CDH8: variants seen among roughly 807,000 people sequenced by gnomAD.
The protein encoded by CDH8 is cadherin 8.
In CDH8, 17 loss-of-function variants were observed where a neutral mutation model predicts 68.1. The observed-to-expected ratio is 0.25, with a 90% confidence interval of 0.17 to 0.37. The LOEUF (loss-of-function observed/expected upper bound fraction) is 0.37, where lower values mean the gene tolerates loss of function less well. Among genes scored for constraint, CDH8 ranks in the 10% least tolerant of loss-of-function variants. The probability of loss-of-function intolerance (pLI) is 1.00; values close to 1 mark genes in which losing one functional copy is unlikely to be tolerated. For missense variants in CDH8, 763 were observed against 999.3 expected (o/e 0.76, Z 3.19); for synonymous variants, 372 against 365.1 (o/e 1.02, Z -0.21).
intron 7 of CDH8, among the ~76,000 whole-genome samples, chr16:61,817,014 T>C (rs931471558): frequency 1.3e-5 from 2 of 152,074 alleles, no homozygotes; most frequent in Admixed American, 1.3e-4. Context: ...AATAGGAGCC[T>C]CTTAATGCAT....
intron 8 of CDH8, among the ~76,000 whole-genome samples, chr16:61,736,004 T>C (rs943006540): frequency 6.0e-5 from 9 of 150,012 alleles, no homozygotes; most frequent in African/African-American, 2.2e-4. Context: ...ACCCGGGAGG[T>C]AGAGGTTGTA....
At chr16:61,898,440 G>A (rs960984560) in intron 3 of CDH8, among the ~76,000 whole-genome samples, 10 of 152,106 alleles carry the variant, frequency 6.6e-5, no homozygotes, top group Non-Finnish European at 1.3e-4. Flanking sequence ...ATTTGCTGCC[G>A]AATGGGTGTA....
chr16:61,830,962 A>G (rs1962441992), intron 4 of CDH8, among the ~76,000 whole-genome samples: 1 of 151,806 alleles, frequency 6.6e-6, no homozygotes, highest in Non-Finnish European at 1.5e-5. Context: ...GATTTAGACC[A>G]TTTCATAATC....
At chr16:61,800,065 C>T (rs889967177) in intron 7 of CDH8, among the ~76,000 whole-genome samples, 20 of 152,092 alleles carry the variant, frequency 1.3e-4, no homozygotes, top group Non-Finnish European at 2.1e-4. Flanking sequence ...TGCACCACCA[C>T]GCCCGGCTAT....
chr16:61,727,973 C>G (rs952177147), intron 8 of CDH8, among the ~76,000 whole-genome samples: 5 of 151,130 alleles, frequency 3.3e-5, no homozygotes, highest in African/African-American at 1.2e-4. Context: ...TCCATTAATA[C>G]ATTCCTGACT....
intron 8 of CDH8, among the ~76,000 whole-genome samples, chr16:61,734,083 G>C (rs1419655314): frequency 6.6e-6 from 1 of 152,024 alleles, no homozygotes; most frequent in Non-Finnish European, 1.5e-5. Flanking sequence ...CAGAGATAAA[G>C]ACTCTGTTCT....
intron 2 of CDH8, among the ~76,000 whole-genome samples, chr16:61,981,331 A>AT (rs970258963): frequency 1.3e-5 from 2 of 152,128 alleles, no homozygotes; most frequent in Admixed American, 6.6e-5. Context: ...TTGTCTAATC[A>AT]TTTTTTTATC....
intron 2 of CDH8, among the ~76,000 whole-genome samples, chr16:62,005,476 G>A (rs1484264312): frequency 7.2e-5 from 11 of 152,024 alleles, no homozygotes; most frequent in Non-Finnish European, 1.6e-4. Flanking sequence ...TGTGGCTCAC[G>A]CCTGTAATCC....
intron 2 of CDH8, among the ~76,000 whole-genome samples, chr16:61,923,582 G>A (rs1964409025): frequency 6.6e-6 from 1 of 151,530 alleles, no homozygotes; most frequent in African/African-American, 2.4e-5. Flanking sequence ...TTCCCTCTTT[G>A]AACTGTTGTG....
chr16:61,892,472 G>C (rs187613172), intron 3 of CDH8, among the ~76,000 whole-genome samples: 1 of 152,172 alleles, frequency 6.6e-6, no homozygotes, highest in Admixed American at 6.6e-5. Context: ...GACTGAAATA[G>C]GAAAAGCAGT....
chr16:61,865,200 C>G (rs908772328), intron 3 of CDH8, among the ~76,000 whole-genome samples: 1 of 152,096 alleles, frequency 6.6e-6, no homozygotes, highest in East Asian at 1.9e-4. Context: ...CGAAATGTAT[C>G]CTGTCATTTC....
At chr16:61,713,278 G>T (rs1368463304) in intron 10 of CDH8, among the ~76,000 whole-genome samples, 1 of 151,650 alleles carries the variant, frequency 6.6e-6, no homozygotes, top group Non-Finnish European at 1.5e-5. Context: ...GATTAAATGT[G>T]CTCAGTGAGT....
intron 2 of CDH8, chr16:61,918,363 AC>A (rs1312903379): frequency 3.9e-4 from 62 of 157,754 alleles, no homozygotes; most frequent in Non-Finnish European, 6.9e-5. Flanking sequence ...AGCGTGAGCG[AC>A]GCAGAAGACG....
intron 8 of CDH8, among the ~76,000 whole-genome samples, chr16:61,762,195 C>T (rs896532030): frequency 8.5e-5 from 13 of 152,068 alleles, no homozygotes; most frequent in African/African-American, 3.1e-4. Flanking sequence ...TTGCACAGAA[C>T]TAACCACAAA....
At chr16:61,737,694 G>C (rs564319184) in intron 8 of CDH8, among the ~76,000 whole-genome samples, 1 of 152,178 alleles carries the variant, frequency 6.6e-6, no homozygotes, top group East Asian at 1.9e-4. Flanking sequence ...GACACCAAGA[G>C]GGTAGCCATG....
At chr16:61,748,827 G>A (rs796848864) in intron 8 of CDH8, among the ~76,000 whole-genome samples, 6 of 152,140 alleles carry the variant, frequency 3.9e-5, no homozygotes, top group African/African-American at 1.4e-4. Context: ...CCTTCTTTGT[G>A]AATGCAGGGA....
In CDH8 at chr16:61,649,792, A is replaced by C. The variant is rs569606854; in HGVS notation, c.*3816T>G. 6.6e-6 allele frequency: 1 copy of C among 152,118 alleles called. No individual in the cohort carries two copies. Among genetic ancestry groups the C allele is most frequent in the South Asian group, 2.1e-4 (1 of 4,838 alleles). The allele number at this position is 152,118 out of a possible 1,614,324, so 9.4% of individuals were successfully genotyped here. ...GGCTATAAAGAGTAATTGGCTACTT[A>C]GCTCTCAGCACCCGCTTTTCCTTTT... On this transcript the variant is annotated 3_prime_UTR_variant, in exon 12 of 12. Coordinates refer to ENST00000577390, the MANE Select transcript of CDH8 (RefSeq NM_001796.5).
chr16:61,750,966 TA>T (rs1359665008), intron 8 of CDH8, among the ~76,000 whole-genome samples: 1 of 152,124 alleles, frequency 6.6e-6, no homozygotes, highest in Non-Finnish European at 1.5e-5. Context: ...CCTAATGTAT[TA>T]AAGCAATTAA....
At chr16:61,845,301 C>G (rs1328355916) in intron 4 of CDH8, among the ~76,000 whole-genome samples, 1 of 151,886 alleles carries the variant, frequency 6.6e-6, no homozygotes, top group Non-Finnish European at 1.5e-5. Flanking sequence ...TGTCCATAAA[C>G]GGCACAATTA....
Sources: gnomAD v4.1 joint callset for allele counts (sites outside exome capture counted in the v4.1 genomes callset) on GRCh38, gnomAD v4.1.1 for gene constraint, MANE v1.5 for transcripts, NCBI Gene and HGNC (gene_info 2026-07-23, HGNC 2026-07-21) for gene names.